SPATA17: variants seen among roughly 807,000 people sequenced by gnomAD.
The protein encoded by SPATA17 is spermatogenesis-associated protein 17.
A neutral mutation model predicts 62.2 loss-of-function variants in SPATA17; 53 were observed. The observed-to-expected ratio is 0.85, with a 90% CI of 0.68 to 1.07. SPATA17 has a LOEUF of 1.07. SPATA17 is among the 50% of genes least tolerant of loss of function. SPATA17 has a pLI of 0.00. For synonymous variants in SPATA17, 146 were observed against 146.8 expected (o/e 0.99, Z 0.04); for missense variants, 466 against 425.5 (o/e 1.10, Z -0.84).
At chr1:217,670,686 C>T (rs1670811973) in intron 4 of SPATA17, among the ~76,000 whole-genome samples, 1 of 152,118 alleles carries the variant, frequency 6.6e-6, no homozygotes, top group Non-Finnish European at 1.5e-5. Context: ...TATGGTGGCT[C>T]ACGCCTATAA....
intron 6 of SPATA17, among the ~76,000 whole-genome samples, chr1:217,753,265 C>A (rs1309766287): frequency 6.6e-6 from 1 of 152,168 alleles, no homozygotes; most frequent in African/African-American, 2.4e-5. Flanking sequence ...TGAGTGGACT[C>A]CATTCATGTA....
At chr1:217,763,155 CT>C (rs1350923135) in intron 6 of SPATA17, among the ~76,000 whole-genome samples, 1 of 152,140 alleles carries the variant, frequency 6.6e-6, no homozygotes, top group Non-Finnish European at 1.5e-5. Flanking sequence ...GGACACAGTC[CT>C]TGTCCTTTTG....
intron 5 of SPATA17, among the ~76,000 whole-genome samples, chr1:217,689,431 G>T (rs1671298252): frequency 1.3e-5 from 2 of 151,852 alleles, no homozygotes; most frequent in African/African-American, 4.8e-5. Context: ...TCGCCATGTT[G>T]GCCAGGCTGG....
intron 9 of SPATA17, among the ~76,000 whole-genome samples, chr1:217,810,595 G>T (rs990992210): frequency 4.1e-4 from 62 of 151,918 alleles, no homozygotes; most frequent in African/African-American, 1.5e-3. Context: ...TTCAGCCTGG[G>T]TGACAGAGTG....
chr1:217,825,786 C>T (rs888646530), intron 9 of SPATA17, among the ~76,000 whole-genome samples: 1 of 151,994 alleles, frequency 6.6e-6, no homozygotes, highest in Non-Finnish European at 1.5e-5. Context: ...TTTTACCAAT[C>T]ACATAAGTAT....
chr1:217,855,681 G>A (rs1409118835), intron 9 of SPATA17, among the ~76,000 whole-genome samples: 1 of 151,618 alleles, frequency 6.6e-6, no homozygotes, highest in Admixed American at 6.6e-5. Flanking sequence ...ATAAAGATGG[G>A]GAAAGGACTA....
chr1:217,700,165 A>G (rs1162032450), intron 5 of SPATA17, among the ~76,000 whole-genome samples: 1 of 151,864 alleles, frequency 6.6e-6, no homozygotes, highest in Non-Finnish European at 1.5e-5. Context: ...TTCCATATAT[A>G]TTTTAGAATA....
At chr1:217,651,001 TTTGAATTC>T in intron 2 of SPATA17, 88 bp from the exon 3 acceptor site, 2 of 919,888 alleles carry the variant, frequency 2.2e-6, no homozygotes, top group Non-Finnish European at 3.4e-6. Context: ...TGGCTTTGAA[TTTGAATTC>T]TTGAATTGTA....
chr1:217,649,004 T>G (rs1336590618), intron 2 of SPATA17, 33 bp downstream of exon 2: 1 of 1,416,288 alleles, frequency 7.1e-7, no homozygotes, highest in Non-Finnish European at 9.7e-7. Flanking sequence ...ACCTCAGATA[T>G]ATCATAAAAA....
intron 6 of SPATA17, among the ~76,000 whole-genome samples, chr1:217,749,283 T>C (rs1171711326): frequency 1.3e-5 from 2 of 152,190 alleles, no homozygotes; most frequent in Non-Finnish European, 2.9e-5. Context: ...TTCCCTCTTT[T>C]GTATTTCCAT....
At chr1:217,807,113 G>A (rs1346286376) in intron 9 of SPATA17, among the ~76,000 whole-genome samples, 1 of 152,130 alleles carries the variant, frequency 6.6e-6, no homozygotes, top group African/African-American at 2.4e-5. Flanking sequence ...CAACATGGAT[G>A]CAGCTGGAGG....
intron 6 of SPATA17, among the ~76,000 whole-genome samples, chr1:217,769,790 G>A (rs1347892314): frequency 2.0e-5 from 3 of 152,072 alleles, no homozygotes; most frequent in African/African-American, 4.8e-5. Context: ...TCCTTCTGGG[G>A]TACTATATCT....
In SPATA17 at chr1:217,856,699, T is replaced by C. The variant is rs140882149; in HGVS notation, c.1006-6075T>C. ...AACAACACAAATAACTAAGATTGAA[T>C]ACTTGAGGATATTTTCCTGAAAACA... On this transcript the variant is annotated intron_variant, in intron 9 of 10. Coordinates refer to ENST00000366933, the MANE Select transcript of SPATA17 (RefSeq NM_138796.4). 4.6e-5 allele frequency among the ~76,000 whole-genome samples: 7 copies of C among 152,324 alleles called. No homozygotes were observed. The East Asian group carries it at 1.3e-3, about 29-fold the overall frequency.
At chr1:217,834,206 A>G (rs970965461) in intron 9 of SPATA17, among the ~76,000 whole-genome samples, 2 of 152,196 alleles carry the variant, frequency 1.3e-5, no homozygotes, top group African/African-American at 2.4e-5. Context: ...ATATAAAAGT[A>G]TAGCACATAT....
intron 5 of SPATA17, among the ~76,000 whole-genome samples, chr1:217,691,046 A>C (rs979065871): frequency 1.4e-5 from 2 of 145,108 alleles, no homozygotes; most frequent in Non-Finnish European, 3.0e-5. Context: ...CTAGTTCTAG[A>C]TCCCTGAGGA....
intron 3 of SPATA17, among the ~76,000 whole-genome samples, chr1:217,664,882 T>C (rs1277109978): frequency 6.6e-6 from 1 of 152,040 alleles, no homozygotes; most frequent in Non-Finnish European, 1.5e-5. Context: ...GTTTCTCCTA[T>C]AAATAAATGC....
At chr1:217,766,652 T>C (rs936189652) in intron 6 of SPATA17, among the ~76,000 whole-genome samples, 1 of 151,946 alleles carries the variant, frequency 6.6e-6, no homozygotes, top group Admixed American at 6.6e-5. Context: ...TTTACCTTGA[T>C]TTATTTCTTC....
chr1:217,638,163 C>T (rs911710980), intron 1 of SPATA17, among the ~76,000 whole-genome samples: 17 of 151,854 alleles, frequency 1.1e-4, no homozygotes, highest in Admixed American at 4.6e-4. Context: ...TCATTAAAAA[C>T]GTAAAAATTT....
At chr1:217,694,316 C>T (rs979959351) in intron 5 of SPATA17, among the ~76,000 whole-genome samples, 1 of 125,984 alleles carries the variant, frequency 7.9e-6, no homozygotes, top group African/African-American at 3.3e-5. Context: ...GATTGCAACC[C>T]CTGCCTTTTT....
Sources: allele counts gnomAD v4.1 joint callset (sites outside exome capture counted in the v4.1 genomes callset), GRCh38; gene constraint gnomAD v4.1.1; transcripts MANE v1.5; gene names NCBI Gene and HGNC (gene_info 2026-07-23, HGNC 2026-07-21).